The following LMO3 variants were observed in gnomAD, a reference collection of about 807,000 sequenced individuals.
The protein encoded by LMO3 is LIM domain only 3.
Under a neutral mutation model 15.8 loss-of-function variants are expected in LMO3, and 2 were observed. The ratio of observed to expected loss-of-function variants is 0.13; its 90% CI spans 0.05 to 0.40. LMO3 has a LOEUF of 0.40. Among genes scored for constraint, LMO3 ranks in the 10% least tolerant of loss-of-function variants. The pLI is 0.99. For missense variants in LMO3, 86 were observed against 182.2 expected (o/e 0.47, Z 3.04); for synonymous variants, 62 against 63.8 (o/e 0.97, Z 0.13).
In LMO3 at chr12:16,598,480, G is replaced by T. The variant is rs1053162352; in HGVS notation, c.206+2175C>A. On this transcript the variant is annotated intron_variant, in intron 2 of 3. Transcript: ENST00000537304. The surrounding 1 kb of genome is among the most constrained non-coding windows in gnomAD (Gnocchi z 4.3). ...AAGCGGAAATCGTACTCTGAGAAAT[G>T]AATATATTGGCAATCAGGACCAGGG... 2.0e-5 allele frequency: 3 copies of T among 152,022 alleles called. No individual in the cohort carries two copies. The highest frequency in any genetic ancestry group is 6.6e-5 in the Admixed American group (1 of 15,252). The allele number at this position is 152,022 out of a possible 1,614,324, so 9.4% of individuals were successfully genotyped here.
chr12:16,588,413 C>A (rs1248877741), intron 2 of LMO3, among the ~76,000 whole-genome samples: 1 of 151,760 alleles, frequency 6.6e-6, no homozygotes, highest in African/African-American at 2.4e-5. Context: ...ATAAAGAAAA[C>A]CTAAAACAAC....
At chr12:16,594,185 G>A in intron 2 of LMO3, 2 of 1,532,698 alleles carry the variant, frequency 1.3e-6, no homozygotes, top group East Asian at 2.5e-5. Context: ...AAAAGGTAAT[G>A]GCCATTCTAA....
In LMO3 at chr12:16,596,065, A is replaced by G. The variant is rs1943645375; in HGVS notation, c.206+4590T>C. Among the ~76,000 whole-genome samples, 3 of 151,696 alleles carry G rather than the reference A, an allele frequency of 2.0e-5. No individual in the cohort carries two copies. Among genetic ancestry groups the G allele is most frequent in the Middle Eastern group, 3.4e-3 (1 of 294 alleles). On this transcript the variant is annotated intron_variant, in intron 2 of 3. Transcript: ENST00000537304. The surrounding 1 kb of genome is among the most constrained non-coding windows in gnomAD (Gnocchi z 4.3). ...CCTTTACACTTATAATTATGTACCA[A>G]TATAAAGCTGACCTTACATAAAAAT...
chr12:16,565,087 T>C (rs1171053625), intron 2 of LMO3, among the ~76,000 whole-genome samples: 1 of 152,204 alleles, frequency 6.6e-6, no homozygotes, highest in Non-Finnish European at 1.5e-5. Flanking sequence ...CTATGCCCGG[T>C]CTAGTATTTG....
rs543825698 is a variant in LMO3 at position 16,585,757 on chromosome 12, C to T, written c.206+14898G>A. 6.6e-6 allele frequency among the ~76,000 whole-genome samples: 1 copy of T among 152,242 alleles called. No individual in the cohort carries two copies. Among genetic ancestry groups the T allele is most frequent in the African/African-American group, 2.4e-5 (1 of 41,534 alleles). ...AATATGGGTGAGAAATTACAAAAGG[C>T]TGGAGAATCAATTAACATATATACT... On this transcript the variant is annotated intron_variant, in intron 2 of 3. Transcript: ENST00000537304. This position sits in a 1 kb window ranked among gnomAD's most constrained non-coding sequence, Gnocchi z 4.7.
At position 16,596,935 on chromosome 12, in the gene LMO3, T is replaced by C. The variant is rs768478736; in HGVS notation, c.206+3720A>G. Among the ~76,000 whole-genome samples the C allele has an allele frequency of 1.3e-5, 2 of 151,754 alleles. No homozygotes were observed. The highest frequency in any genetic ancestry group is 2.4e-5 in the African/African-American group (1 of 41,426). ...AAAATAAAAATAATTATAAATGCAT[T>C]GGATAGATTTTTAACAGATACATTT... On this transcript the variant is annotated intron_variant, in intron 2 of 3. Coordinates refer to ENST00000537304, the MANE Select transcript of LMO3 (RefSeq NM_018640.5). The surrounding 1 kb of genome is among the most constrained non-coding windows in gnomAD (Gnocchi z 4.3).
At chr12:16,601,333 G>A (rs776155318) in intron 1 of LMO3, among the ~76,000 whole-genome samples, 15 of 152,164 alleles carry the variant, frequency 9.9e-5, no homozygotes, top group Non-Finnish European at 1.9e-4. Flanking sequence ...ATGGTGGAAG[G>A]AGAGGGCACC....
intron 2 of LMO3, among the ~76,000 whole-genome samples, chr12:16,583,300 A>G (rs75932174): frequency 0.017 from 2,596 of 152,226 alleles, 44 homozygotes; most frequent in Middle Eastern, 0.051. Flanking sequence ...TGACAACAAC[A>G]GACTGTTCTT....
chr12:16,564,907 C>G (rs967992185), intron 2 of LMO3, among the ~76,000 whole-genome samples: 1 of 152,082 alleles, frequency 6.6e-6, no homozygotes, highest in Admixed American at 6.6e-5. Flanking sequence ...TGCCTCAGCT[C>G]CCCAAGTAGC....
At chr12:16,554,737 C>G (rs1218398178) in intron 3 of LMO3, among the ~76,000 whole-genome samples, 2 of 152,134 alleles carry the variant, frequency 1.3e-5, no homozygotes, top group Non-Finnish European at 2.9e-5. Flanking sequence ...AGACCAGATT[C>G]GCTCCGCCTC....
At chr12:16,561,136 C>T (rs1341947669) in intron 2 of LMO3, among the ~76,000 whole-genome samples, 1 of 151,926 alleles carries the variant, frequency 6.6e-6, no homozygotes, top group Non-Finnish European at 1.5e-5. Flanking sequence ...TATAGCTAGA[C>T]CAGAAATTGA....
At chr12:16,581,997 T>C (rs535669387) in intron 2 of LMO3, among the ~76,000 whole-genome samples, 37 of 152,212 alleles carry the variant, frequency 2.4e-4, no homozygotes, top group African/African-American at 6.0e-4. Context: ...CGTTTTCTTA[T>C]CTTATTACAT....
At position 16,591,265 on chromosome 12, in the gene LMO3, T is replaced by C. The variant is rs773017849; in HGVS notation, c.206+9390A>G. On this transcript the variant is annotated intron_variant, in intron 2 of 3. Coordinates refer to ENST00000537304, the MANE Select transcript of LMO3 (RefSeq NM_018640.5). This position sits in a 1 kb window ranked among gnomAD's most constrained non-coding sequence, Gnocchi z 4.1. ...AGAAAAACTCCCACCTCAGGGCCTT[T>C]GTACTGGATGTTCCTGAGCCCAGAA... Among the ~76,000 whole-genome samples the C allele has an allele frequency of 2.0e-5, 3 of 151,966 alleles. No individual in the cohort carries two copies. Among genetic ancestry groups the C allele is most frequent in the Non-Finnish European group, 2.9e-5 (2 of 67,950 alleles).
chr12:16,591,191 C>G lies in LMO3; in HGVS notation c.206+9464G>C, dbSNP rs971362345. ...ACCCCTTATTCTTGCCCCTCCTGCT[C>G]TCCCACACCCCAGCTGCACTAGTAT... On this transcript the variant is annotated intron_variant, in intron 2 of 3. Transcript: ENST00000537304. The surrounding 1 kb of genome is among the most constrained non-coding windows in gnomAD (Gnocchi z 4.1). 6.6e-6 allele frequency among the ~76,000 whole-genome samples: 1 copy of G among 152,002 alleles called. No individual in the cohort carries two copies. The highest frequency in any genetic ancestry group is 1.5e-5 in the Non-Finnish European group (1 of 67,956).
chr12:16,600,373 C>T (rs1591831891), intron 2 of LMO3: 1 of 286,022 alleles, frequency 3.5e-6, no homozygotes, highest in East Asian at 6.6e-5. Flanking sequence ...CAAATACATC[C>T]TTGACATTAA....
At chr12:16,558,465 C>A (rs1009750029) in intron 3 of LMO3, among the ~76,000 whole-genome samples, 1 of 151,988 alleles carries the variant, frequency 6.6e-6, no homozygotes, top group Non-Finnish European at 1.5e-5. Context: ...TACTAAGACA[C>A]CTTTAAAATG....
In LMO3 at chr12:16,584,491, A is replaced by C. The variant is rs1380106183; in HGVS notation, c.206+16164T>G. 6.6e-6 allele frequency among the ~76,000 whole-genome samples: 1 copy of C among 152,184 alleles called. No homozygotes were observed. The highest frequency in any genetic ancestry group is 1.5e-5 in the Non-Finnish European group (1 of 68,034). ...AGGTTTCTGGAGGACCCAGTGGAAA[A>C]GTGTTGAGTGAACGTAACAGCAGAA... On this transcript the variant is annotated intron_variant, in intron 2 of 3. Transcript: ENST00000537304. The surrounding 1 kb of genome is among the most constrained non-coding windows in gnomAD (Gnocchi z 5.2).
At position 16,591,199 on chromosome 12, in the gene LMO3, C is replaced by T. The variant is rs1943486392; in HGVS notation, c.206+9456G>A. On this transcript the variant is annotated intron_variant, in intron 2 of 3. Transcript: ENST00000537304. This position sits in a 1 kb window ranked among gnomAD's most constrained non-coding sequence, Gnocchi z 4.1. ...TTCTTGCCCCTCCTGCTCTCCCACA[C>T]CCCAGCTGCACTAGTATCTGTGATG... Among the ~76,000 whole-genome samples, 1 of 151,982 alleles carries T rather than the reference C, an allele frequency of 6.6e-6. No homozygotes were observed. The highest frequency in any genetic ancestry group is 2.1e-4 in the South Asian group (1 of 4,822).
intron 2 of LMO3, among the ~76,000 whole-genome samples, chr12:16,578,961 T>G (rs1330521626): frequency 1.3e-5 from 2 of 152,230 alleles, no homozygotes; most frequent in African/African-American, 4.8e-5. Context: ...AAGTTCTTTA[T>G]TCTAATGAAG....
Sources: gnomAD v4.1 joint callset for allele counts (sites outside exome capture counted in the v4.1 genomes callset) on GRCh38, gnomAD v4.1.1 for gene constraint, Gnocchi (gnomAD v3.1) non-coding constraint, MANE v1.5 for transcripts, NCBI Gene and HGNC (gene_info 2026-07-23, HGNC 2026-07-21) for gene names.